The following NEK5 variants were observed in gnomAD, a reference collection of about 807,000 sequenced individuals.
NEK5 encodes serine/threonine-protein kinase Nek5.
NEK5 carries 88 observed loss-of-function variants against 109.2 expected under a neutral mutation model. The ratio of observed to expected loss-of-function variants is 0.81; its 90% CI spans 0.68 to 0.96. NEK5 has a LOEUF of 0.96. Ranked by LOEUF, NEK5 falls within the 40% of genes least tolerant of loss-of-function variation. The pLI is 0.00. For missense variants in NEK5, 834 were observed against 920.7 expected, an observed-to-expected ratio of 0.91 and a Z score of 1.22; for synonymous variants, 283 against 299.9, an observed-to-expected ratio of 0.94 and a Z score of 0.58.
chr13:52,048,337 T>C (rs1431680294), intron 23 of NEK5, among the ~76,000 whole-genome samples: 1 of 152,028 alleles, frequency 6.6e-6, no homozygotes, highest in East Asian at 1.9e-4. Context: ...TCTGGGAGGC[T>C]GAGACGGGAG....
chr13:52,081,823 A>G (rs374970513), intron 17 of NEK5, among the ~76,000 whole-genome samples: 23 of 152,302 alleles, frequency 1.5e-4, no homozygotes, highest in African/African-American at 5.1e-4. Flanking sequence ...ATTTACTCTA[A>G]CCAGGTTAAA....
Position 52,102,067 on chromosome 13 carries a change from T to G in NEK5, c.810+25A>C, listed in dbSNP as rs1488378095. On this transcript the variant is annotated intron_variant, in intron 10 of 23. Transcript: ENST00000684899. ...CTGCAACCCAAAATCTCTGCCAAAA[T>G]CCAAACAGTCACCTCAAAACTTACC... 3 of 1,612,632 alleles carry G rather than the reference T, an allele frequency of 1.9e-6. No individual in the cohort carries two copies. The African/African-American group carries it at 4.0e-5, about 22-fold the overall frequency.
intron 5 of NEK5, among the ~76,000 whole-genome samples, chr13:52,111,129 G>T (rs190555508): frequency 1.3e-5 from 2 of 152,262 alleles, no homozygotes; most frequent in African/African-American, 4.8e-5. Context: ...TCTAAGTCAT[G>T]ATTTGATTTT....
chr13:52,034,356 A>G lies in NEK5; in HGVS notation c.*2592T>C, dbSNP rs1954337977. The stretch of plus-strand genomic sequence containing the variant: ...GACTAAAATCAGCTGAAAGTGTTGC[A>G]GATATGTATACTTATCACAGTGAAT... On this transcript the variant is annotated 3_prime_UTR_variant, in exon 24 of 24. Coordinates refer to ENST00000684899, the MANE Select transcript of NEK5 (RefSeq NM_001365552.1). 6.6e-6 allele frequency: 1 copy of G among 152,224 alleles called. No individual in the cohort carries two copies. Among genetic ancestry groups the G allele is most frequent in the African/African-American group, 2.4e-5 (1 of 41,438 alleles). 9.4% of individuals were successfully genotyped at this position (152,224 alleles called of 1,614,324 possible).
At position 52,098,102 on chromosome 13, in the gene NEK5, C is replaced by G. The variant is rs143600809; in HGVS notation, c.1026+1641G>C. On this transcript the variant is annotated intron_variant, in intron 12 of 23. Transcript: ENST00000684899. ...TCCCCAGCAATGCATCCTGTACAGC[C>G]TGCAGAACTGTAAGCCAATTAAACC... Among the ~76,000 whole-genome samples, 3 of 152,126 alleles carry G rather than the reference C, an allele frequency of 2.0e-5. No individual in the cohort carries two copies. The East Asian group carries it at 5.8e-4, about 29-fold the overall frequency.
Position 52,072,052 on chromosome 13 carries a change from C to A in NEK5, c.1741G>T (p.Glu581Ter). The change falls in exon 20 of 24, where the codon GAA becomes TAA. Residue 581 changes from glutamate to a stop codon, truncating the protein, a stop_gained. Transcript: ENST00000684899. LOFTEE classifies it high-confidence loss of function. ...ATGCCATCCTCAAAGGTCAAAGTTT[C>A]ATTTGGTATATCCATTGCCTAAATC... The part of the protein sequence containing the change: ...QEEEAMDIPN[E>*]TLTFEDGMKF... 1 of 1,611,188 alleles carries A rather than the reference C, an allele frequency of 6.2e-7. No homozygotes were observed.
At chr13:52,042,064 A>G (rs1954419270) in intron 23 of NEK5, among the ~76,000 whole-genome samples, 2 of 152,024 alleles carry the variant, frequency 1.3e-5, no homozygotes, top group Non-Finnish European at 1.5e-5. Context: ...AAGGAAAAAT[A>G]ATGAGATGAT....
At position 52,089,263 on chromosome 13, in the gene NEK5, T is replaced by C; in HGVS notation, c.1259A>G (p.Lys420Arg). The C allele has an allele frequency of 6.2e-7, 1 of 1,601,714 alleles. No homozygotes were observed. The highest frequency in any genetic ancestry group is 8.6e-7 in the Non-Finnish European group (1 of 1,169,174). The change falls in exon 14 of 24, where the codon AAA becomes AGA. Residue 420 changes from lysine (K) to arginine (R), a missense_variant. Physicochemically the swap from Lys to Arg is conservative, Grantham distance 26. Around this residue, in one of 2 missense-constraint regions of NEK5, gnomAD observed 777 missense variants for 824.7 expected, o/e 0.94. Transcript: ENST00000684899. ...RKFEAQQYKL[K>R]VEKQLGLRPS... Reference sequence around the variant, plus strand: ...TTTACTTACCAATTGCTTCTCCACTTTCAACTTATATTGTTGAGCTTCAAA... The same window carrying C: ...TTTACTTACCAATTGCTTCTCCACTCTCAACTTATATTGTTGAGCTTCAAA...
At chr13:52,093,661 A>G (rs1484990584) in intron 12 of NEK5, among the ~76,000 whole-genome samples, 1 of 152,132 alleles carries the variant, frequency 6.6e-6, no homozygotes, top group Non-Finnish European at 1.5e-5. Context: ...TTTTTCTTCT[A>G]TACTTTTTTT....
At chr13:52,127,709 C>T (rs955804250) in intron 1 of NEK5, 47 bp from the exon 2 acceptor site, 23 of 447,804 alleles carry the variant, frequency 5.1e-5, no homozygotes, top group Admixed American at 8.1e-5. Context: ...CATAGCTCAG[C>T]TTTGATACAC....
intron 3 of NEK5, among the ~76,000 whole-genome samples, chr13:52,124,339 GTCTT>G (rs1275946321): frequency 6.6e-6 from 1 of 152,104 alleles, no homozygotes; most frequent in African/African-American, 2.4e-5. Flanking sequence ...AACAATTTGT[GTCTT>G]TCTTTGTACA....
chr13:52,092,467 G>T (rs1955306537), intron 13 of NEK5, among the ~76,000 whole-genome samples: 1 of 152,128 alleles, frequency 6.6e-6, no homozygotes, highest in Non-Finnish European at 1.5e-5. Context: ...GCTCTTGCCT[G>T]TAGTCCCAGC....
chr13:52,038,476 T>A (rs147832423), intron 23 of NEK5, among the ~76,000 whole-genome samples: 43 of 152,306 alleles, frequency 2.8e-4, no homozygotes, highest in African/African-American at 8.2e-4. Flanking sequence ...AGGTAATAGA[T>A]GACTGTTGAA....
chr13:52,048,410 A>C (rs908972123), intron 23 of NEK5, among the ~76,000 whole-genome samples: 1 of 152,130 alleles, frequency 6.6e-6, no homozygotes, highest in African/African-American at 2.4e-5. Context: ...CCATCTCTAT[A>C]AAAAATAAAT....
chr13:52,065,280 G>C, intron 21 of NEK5: 1 of 730,918 alleles, frequency 1.4e-6, no homozygotes, highest in Non-Finnish European at 2.5e-6. Context: ...ATATGTGCAT[G>C]TCTAGAGTGG....
At chr13:52,064,225 TG>T (rs1272258556) in intron 21 of NEK5, among the ~76,000 whole-genome samples, 1 of 92,122 alleles carries the variant, frequency 1.1e-5, no homozygotes, top group African/African-American at 4.5e-5. Flanking sequence ...GGGAGGGAGG[TG>T]GGGGGGTCAG....
intron 4 of NEK5, among the ~76,000 whole-genome samples, chr13:52,118,973 A>G (rs1203443130): frequency 5.9e-5 from 9 of 152,200 alleles, no homozygotes; most frequent in African/African-American, 1.9e-4. Context: ...ACCCCAGCCC[A>G]CCACAGCTAG....
intron 9 of NEK5, among the ~76,000 whole-genome samples, chr13:52,103,393 C>T (rs192703260): frequency 2.2e-4 from 33 of 152,262 alleles, no homozygotes; most frequent in African/African-American, 6.7e-4. Context: ...ATCGTGCCAC[C>T]GCACTCCAGT....
rs1215636656 is a variant in NEK5, at chr13:52,050,007, G to A, written c.2228+97C>T. On this transcript the variant is annotated intron_variant, in intron 23 of 23. Transcript: ENST00000684899. ...CCGTGCATTGTAAAACTTGATCTTTGTAGCCAGGTCTCAGTTGGCTATTTT... is the reference window on the plus strand; with the variant it reads ...CCGTGCATTGTAAAACTTGATCTTTATAGCCAGGTCTCAGTTGGCTATTTT... 2.0e-5 allele frequency: 5 copies of A among 248,502 alleles called. No individual in the cohort carries two copies. In the East Asian group the frequency reaches 8.9e-4, roughly 44 times the overall value. 15.4% of individuals were successfully genotyped at this position (248,502 alleles called of 1,614,324 possible).
Sources: allele counts gnomAD v4.1 joint callset (sites outside exome capture counted in the v4.1 genomes callset), GRCh38; gene constraint gnomAD v4.1.1; regional missense constraint gnomAD v4.1.1; transcripts MANE v1.5; gene names NCBI Gene and HGNC (gene_info 2026-07-23, HGNC 2026-07-21).